Variants in SPAG16 observed in about 807,000 individuals in gnomAD.
SPAG16 encodes the protein sperm associated antigen 16, also known as sperm-associated antigen 16 protein.
Under a neutral mutation model 80.4 loss-of-function variants are expected in SPAG16, and 86 were observed. The ratio of observed to expected loss-of-function variants is 1.07; its 90% confidence interval spans 0.90 to 1.28. SPAG16 has a LOEUF of 1.28. SPAG16 is among the 50% of genes most tolerant of loss of function. The pLI, the probability that SPAG16 is intolerant of heterozygous loss-of-function variation, is 0.00. For missense variants in SPAG16, 870 were observed against 765.3 expected (o/e 1.14, Z -1.61); for synonymous variants, 294 against 265.9 (o/e 1.11, Z -1.03).
chr2:213,917,082 A>G (rs1377636376), intron 11 of SPAG16, among the ~76,000 whole-genome samples: 8 of 152,004 alleles, frequency 5.3e-5, no homozygotes, highest in Admixed American at 1.3e-4. Context: ...TTGAAAATCA[A>G]GTTGAACATG....
chr2:213,472,078 G>A (rs2073110332), intron 9 of SPAG16, among the ~76,000 whole-genome samples: 1 of 152,210 alleles, frequency 6.6e-6, no homozygotes, highest in South Asian at 2.1e-4. Context: ...AGACATGAAT[G>A]TAATGAACGA....
chr2:214,373,427 A>G (rs1312297980), intron 15 of SPAG16, among the ~76,000 whole-genome samples: 3 of 152,214 alleles, frequency 2.0e-5, no homozygotes, highest in African/African-American at 7.2e-5. Flanking sequence ...TCCTCTCAGA[A>G]CAATACCAAA....
At chr2:213,922,400 T>C (rs2078265993) in intron 11 of SPAG16, among the ~76,000 whole-genome samples, 1 of 152,192 alleles carries the variant, frequency 6.6e-6, no homozygotes, top group African/African-American at 2.4e-5. Flanking sequence ...TTTTTTATAA[T>C]GGCTATTTTG....
chr2:213,840,433 C>T (rs963672456), intron 10 of SPAG16, among the ~76,000 whole-genome samples: 5 of 152,072 alleles, frequency 3.3e-5, no homozygotes, highest in Non-Finnish European at 7.4e-5. Context: ...ACATTAGTTT[C>T]CCTTGCTATA....
At chr2:213,667,707 A>G (rs2063659753) in intron 10 of SPAG16, among the ~76,000 whole-genome samples, 1 of 152,058 alleles carries the variant, frequency 6.6e-6, no homozygotes, top group Non-Finnish European at 1.5e-5. Flanking sequence ...AGATAAAGAG[A>G]GAAATAAACA....
chr2:213,762,669 A>G (rs74857060), intron 10 of SPAG16, among the ~76,000 whole-genome samples: 3,284 of 152,320 alleles, frequency 0.022, 35 homozygotes, highest in South Asian at 0.051. Context: ...AAGACCTGAA[A>G]CTATAAATCC....
chr2:214,160,423 T>G (rs1283719966), intron 15 of SPAG16, among the ~76,000 whole-genome samples: 3 of 151,992 alleles, frequency 2.0e-5, no homozygotes, highest in Non-Finnish European at 4.4e-5. Context: ...TTATTTTCCT[T>G]CTACTTCTTT....
In SPAG16 at chr2:213,773,595, C is replaced by T. The variant is rs1202027611; in HGVS notation, c.1071-88890C>T. Among the ~76,000 whole-genome samples, 4 of 152,020 alleles carry T rather than the reference C, an allele frequency of 2.6e-5. No homozygotes were observed. In the East Asian group the frequency reaches 7.7e-4, roughly 29 times the overall value. On this transcript the variant is annotated intron_variant, in intron 10 of 15. Coordinates refer to ENST00000331683, the MANE Select transcript of SPAG16 (RefSeq NM_024532.5). ...TTTGATGGAGTCTTTCTCTGTCGCC[C>T]AGGATGGAGTGTGCAGTGGCATGAT...
At chr2:214,357,755 G>A (rs1698916073) in intron 15 of SPAG16, among the ~76,000 whole-genome samples, 1 of 151,448 alleles carries the variant, frequency 6.6e-6, no homozygotes, top group South Asian at 2.1e-4. Flanking sequence ...TATTTATTTT[G>A]TAATTGTATT....
At chr2:214,129,185 C>T (rs2054637913) in intron 14 of SPAG16, among the ~76,000 whole-genome samples, 1 of 152,158 alleles carries the variant, frequency 6.6e-6, no homozygotes, top group South Asian at 2.1e-4. Flanking sequence ...CTCACCTCTT[C>T]TGTACACTCT....
intron 15 of SPAG16, among the ~76,000 whole-genome samples, chr2:214,168,387 C>T (rs1366891222): frequency 1.3e-5 from 2 of 152,022 alleles, no homozygotes; most frequent in East Asian, 3.9e-4. Flanking sequence ...ATGAAATATT[C>T]ATATAAACAT....
At chr2:213,981,791 C>A (rs1200502648) in intron 12 of SPAG16, among the ~76,000 whole-genome samples, 1 of 151,798 alleles carries the variant, frequency 6.6e-6, no homozygotes, top group Non-Finnish European at 1.5e-5. Flanking sequence ...CTCATCATTC[C>A]CCTTCTAGAC....
intron 13 of SPAG16, among the ~76,000 whole-genome samples, chr2:214,016,880 TAATTTCTCCC>T (rs2047617662): frequency 6.6e-6 from 1 of 152,200 alleles, no homozygotes; most frequent in Admixed American, 6.5e-5. Context: ...AAGAGAAATG[TAATTTCTCCC>T]ATTTTATTTC....
intron 10 of SPAG16, among the ~76,000 whole-genome samples, chr2:213,617,240 C>T (rs2061627963): frequency 6.6e-6 from 1 of 152,008 alleles, no homozygotes; most frequent in African/African-American, 2.4e-5. Flanking sequence ...CTGGAAGGGC[C>T]CTTCACTCAT....
chr2:213,868,348 TG>T (rs996565929), intron 11 of SPAG16, among the ~76,000 whole-genome samples: 25 of 92,744 alleles, frequency 2.7e-4, no homozygotes, highest in African/African-American at 6.5e-4. Context: ...CTTTTTGATT[TG>T]TTTTTTTGCA....
intron 14 of SPAG16, among the ~76,000 whole-genome samples, chr2:214,120,334 C>A (rs1427846521): frequency 6.6e-6 from 1 of 151,748 alleles, no homozygotes; most frequent in Non-Finnish European, 1.5e-5. Context: ...ATTTCAATTA[C>A]TACATTTCTT....
chr2:214,154,917 A>G (rs1161955248), intron 15 of SPAG16, among the ~76,000 whole-genome samples: 1 of 152,236 alleles, frequency 6.6e-6, no homozygotes, highest in Non-Finnish European at 1.5e-5. Flanking sequence ...GCTTTCAGAC[A>G]TGTAATATTT....
At chr2:213,307,848 T>C (rs1009747231) in intron 3 of SPAG16, among the ~76,000 whole-genome samples, 1 of 152,142 alleles carries the variant, frequency 6.6e-6, no homozygotes, top group Non-Finnish European at 1.5e-5. Context: ...CCAGCACCTG[T>C]TGTTTCCTGA....
At chr2:214,302,434 A>C (rs75450256) in intron 15 of SPAG16, among the ~76,000 whole-genome samples, 4,250 of 152,142 alleles carry the variant, frequency 0.028, 152 homozygotes, top group East Asian at 0.083. Flanking sequence ...TATTGCTGCC[A>C]GTGTCTTTTT....
Sources: gnomAD v4.1 joint callset for allele counts (sites outside exome capture counted in the v4.1 genomes callset) on GRCh38, gnomAD v4.1.1 for gene constraint, MANE v1.5 for transcripts, NCBI Gene and HGNC (gene_info 2026-07-23, HGNC 2026-07-21) for gene names.